Variants in PLCG2 observed in about 807,000 individuals in gnomAD.
PLCG2 encodes the protein 1-phosphatidylinositol 4,5-bisphosphate phosphodiesterase gamma-2.
A neutral mutation model predicts 175.6 loss-of-function variants in PLCG2; 69 were observed. The ratio of observed to expected loss-of-function variants is 0.39; its 90% CI spans 0.32 to 0.48. The LOEUF is 0.48. Among genes scored for constraint, PLCG2 ranks in the 20% least tolerant of loss-of-function variants. The pLI, the probability that PLCG2 is intolerant of heterozygous loss-of-function variation, is 0.91. For missense variants in PLCG2, 1,798 were observed against 1,650.9 expected (o/e 1.09, Z -1.54); for synonymous variants, 827 against 624.0 (o/e 1.33, Z -4.85).
At chr16:81,769,869 T>G (rs1437290486) in intron 2 of PLCG2, among the ~76,000 whole-genome samples, 1 of 149,178 alleles carries the variant, frequency 6.7e-6, no homozygotes, top group Non-Finnish European at 1.5e-5. Context: ...GGCCTTCAGA[T>G]TCTAGTTCTG....
chr16:81,881,628 A>G (rs1908083330), intron 8 of PLCG2, among the ~76,000 whole-genome samples: 3 of 152,194 alleles, frequency 2.0e-5, no homozygotes, highest in Admixed American at 1.3e-4. Context: ...AAGTATAAAT[A>G]AAATGAATCT....
intron 5 of PLCG2, among the ~76,000 whole-genome samples, chr16:81,859,816 A>G (rs372005523): frequency 3.0e-3 from 451 of 152,234 alleles, no homozygotes; most frequent in East Asian, 0.019. Flanking sequence ...GATTACAGGC[A>G]TGAGCCACCG....
Position 81,907,773 on chromosome 16 carries a change from A to G in PLCG2, c.1556A>G (p.Gln519Arg). 6.2e-7 allele frequency: 1 copy of G among 1,611,278 alleles called. No homozygotes were observed. The highest frequency in any genetic ancestry group is 8.5e-7 in the Non-Finnish European group (1 of 1,177,890). Reference protein sequence around the residue: ...IEQTMEEEVPQDIPPTELHFG... With the variant: ...IEQTMEEEVPRDIPPTELHFG... The stretch of plus-strand genomic sequence containing the variant: ...CAGACTATGGAGGAGGAAGTGCCCC[A>G]GGTAGGGGGACACCCTAGCCACATA... The change falls in exon 16 of 33, where the codon CAG becomes CGG. Residue 519 changes from glutamine to arginine, a missense_variant and splice_region_variant. By Grantham distance (43) the Gln-to-Arg change is conservative. Transcript: ENST00000564138.
Position 81,931,612 on chromosome 16 carries a change from G to A in PLCG2, c.2697G>A (p.Trp899Ter). The A allele has an allele frequency of 6.2e-7, 1 of 1,614,104 alleles. No individual in the cohort carries two copies. Among genetic ancestry groups the A allele is most frequent in the East Asian group, 2.2e-5 (1 of 44,878 alleles). The change falls in exon 25 of 33, where the codon TGG (tryptophan) becomes TGA (stop). Residue 899 changes from tryptophan to a stop codon, truncating the protein, a stop_gained. Transcript: ENST00000564138. LOFTEE classifies it high-confidence loss of function. Reference protein sequence around the residue: ...ATDRVEELFEWFQSIREITWK... With the variant: ...ATDRVEELFE The stretch of plus-strand genomic sequence containing the variant: ...ACAGGGTGGAGGAGCTCTTTGAGTG[G>A]TTTCAGAGCATCCGAGAGATCACCT...
intron 13 of PLCG2, among the ~76,000 whole-genome samples, chr16:81,899,153 C>A (rs112924208): frequency 6.6e-6 from 1 of 151,940 alleles, no homozygotes. Context: ...CACGCCATTG[C>A]ACTCCATCCC....
At chr16:81,780,079 G>T (rs910922774) in intron 1 of PLCG2, among the ~76,000 whole-genome samples, 8 of 152,156 alleles carry the variant, frequency 5.3e-5, no homozygotes, top group African/African-American at 1.7e-4. Flanking sequence ...GGGAGCTCCT[G>T]GATTCCAGCA....
At chr16:81,891,855 G>A (rs908338370) in intron 11 of PLCG2, among the ~76,000 whole-genome samples, 3 of 152,190 alleles carry the variant, frequency 2.0e-5, no homozygotes, top group African/African-American at 4.8e-5. Context: ...ATGTAACTTA[G>A]TAACTAAAGT....
chr16:81,899,639 A>G (rs567183314), intron 13 of PLCG2, among the ~76,000 whole-genome samples: 1 of 152,098 alleles, frequency 6.6e-6, no homozygotes, highest in East Asian at 1.9e-4. Context: ...CCTGTTTTTG[A>G]GCTTTTTCTT....
At chr16:81,853,289 C>G (rs1194177346) in intron 2 of PLCG2, among the ~76,000 whole-genome samples, 1 of 151,702 alleles carries the variant, frequency 6.6e-6, no homozygotes, top group African/African-American at 2.4e-5. Flanking sequence ...TGAGATCATG[C>G]CACTGCACTC....
intron 25 of PLCG2, among the ~76,000 whole-genome samples, chr16:81,932,252 C>T (rs936086100): frequency 5.0e-5 from 5 of 100,614 alleles, no homozygotes; most frequent in African/African-American, 1.4e-4. Flanking sequence ...GAGTTTGCAT[C>T]CTGGCAGGGC....
At chr16:81,787,369 G>A (rs1195414727) in intron 2 of PLCG2, among the ~76,000 whole-genome samples, 1 of 146,842 alleles carries the variant, frequency 6.8e-6, no homozygotes, top group Non-Finnish European at 1.5e-5. Context: ...CCATGGGAAT[G>A]CACCGCCATG....
At chr16:81,842,693 G>T (rs1053162384) in intron 2 of PLCG2, 1 of 152,366 alleles carries the variant, frequency 6.6e-6, no homozygotes, top group Non-Finnish European at 1.5e-5. Context: ...ACGTTCCGTG[G>T]GTGCAGGGAG....
intron 2 of PLCG2, among the ~76,000 whole-genome samples, chr16:81,831,579 G>T (rs552689189): frequency 6.6e-6 from 1 of 152,288 alleles, no homozygotes; most frequent in Admixed American, 6.5e-5. Flanking sequence ...GGGACCCCTG[G>T]CTGGGTCTCT....
intron 9 of PLCG2, among the ~76,000 whole-genome samples, chr16:81,884,708 G>GTT (rs147178971): frequency 3.3e-5 from 5 of 150,474 alleles, no homozygotes; most frequent in African/African-American, 1.2e-4. Flanking sequence ...TACTTCATTT[G>GTT]TTTTTTTTTA....
chr16:81,840,903 T>C (rs1471838928), intron 2 of PLCG2, among the ~76,000 whole-genome samples: 1 of 152,158 alleles, frequency 6.6e-6, no homozygotes, highest in African/African-American at 2.4e-5. Context: ...AGTTCCTTTT[T>C]CCAGGGAGTG....
intron 15 of PLCG2, among the ~76,000 whole-genome samples, chr16:81,906,610 G>A (rs1367901611): frequency 1.3e-5 from 2 of 152,288 alleles, no homozygotes; most frequent in East Asian, 3.9e-4. Flanking sequence ...CCTTAGTAGA[G>A]ATAGTGTTTC....
intron 7 of PLCG2, among the ~76,000 whole-genome samples, chr16:81,880,345 G>A (rs1419190614): frequency 6.6e-6 from 1 of 152,216 alleles, no homozygotes; most frequent in Non-Finnish European, 1.5e-5. Flanking sequence ...CAAAGCCAAT[G>A]TGCCTACAAT....
chr16:81,813,845 C>T (rs1201075387), intron 2 of PLCG2, among the ~76,000 whole-genome samples: 1 of 152,190 alleles, frequency 6.6e-6, no homozygotes, highest in Non-Finnish European at 1.5e-5. Flanking sequence ...TGATGGCTTC[C>T]AAGGGACAGA....
At chr16:81,916,329 A>T (rs1909841113) in intron 19 of PLCG2, among the ~76,000 whole-genome samples, 1 of 152,086 alleles carries the variant, frequency 6.6e-6, no homozygotes, top group Non-Finnish European at 1.5e-5. Context: ...AAAAAGAAAA[A>T]AATAAATATT....
Sources: allele counts gnomAD v4.1 joint callset (sites outside exome capture counted in the v4.1 genomes callset), GRCh38; gene constraint gnomAD v4.1.1; transcripts MANE v1.5; gene names NCBI Gene and HGNC (gene_info 2026-07-23, HGNC 2026-07-21).